PARP6: variants seen among roughly 807,000 people sequenced by gnomAD.
PARP6 encodes protein mono-ADP-ribosyltransferase PARP6.
A neutral mutation model predicts 92.0 loss-of-function variants in PARP6; 27 were observed. That is an observed-to-expected ratio of 0.29 (90% CI 0.22 to 0.40). The LOEUF (loss-of-function observed/expected upper bound fraction) is 0.40. Among genes scored for constraint, PARP6 ranks in the 10% least tolerant of loss-of-function variants. The pLI, the probability that PARP6 is intolerant of heterozygous loss-of-function variation, is 1.00. For synonymous variants in PARP6, 272 were observed against 281.2 expected, an observed-to-expected ratio of 0.97 and a Z score of 0.33; for missense variants, 501 against 784.5, an observed-to-expected ratio of 0.64 and a Z score of 4.32.
At chr15:72,253,287 T>A in intron 16 of PARP6, 150 bp downstream of exon 16, 1 of 467,146 alleles carries the variant, frequency 2.1e-6, no homozygotes, top group African/African-American at 2.0e-5. Context: ...CAAGGCAAGG[T>A]ATGCCAACAA....
intron 16 of PARP6, 135 bp from the exon 17 acceptor site, chr15:72,251,390 T>A (rs993429238): frequency 3.4e-6 from 2 of 581,686 alleles, no homozygotes; most frequent in Admixed American, 3.2e-5. Context: ...GTGTGAAATG[T>A]CAAGGTCACT....
At position 72,258,106 on chromosome 15, in the gene PARP6, A is replaced by G; in HGVS notation, c.837T>C (p.Ile279=). The G allele has an allele frequency of 6.2e-7, 1 of 1,613,600 alleles. No homozygotes were observed. Among genetic ancestry groups the G allele is most frequent in the Non-Finnish European group, 8.5e-7 (1 of 1,179,468 alleles). Residue 279 remains isoleucine (I), a synonymous_variant, in exon 12 of 24, where the codon ATT becomes ATC. Coordinates refer to ENST00000569795, the MANE Select transcript of PARP6 (RefSeq NM_001323532.2). ...VQIMKYAEQR[I]PTLNEYCVVC... is the part of the protein sequence containing the mutation. Reference sequence around the variant, plus strand: ...CCACACAGTACTCATTCAATGTTGGAATCCTCTGTTCTGCATACTTCATGA... The same window carrying G: ...CCACACAGTACTCATTCAATGTTGGGATCCTCTGTTCTGCATACTTCATGA...
chr15:72,250,061 G>A lies in PARP6; in HGVS notation c.1450C>T (p.Leu484=). 2 of 1,611,818 alleles carry A rather than the reference G, an allele frequency of 1.2e-6. No homozygotes were observed. Among genetic ancestry groups the A allele is most frequent in the African/African-American group, 1.3e-5 (1 of 74,966 alleles). ...GSHIENWHSI[L]RNGLVNASYT... is the part of the protein sequence containing the mutation. ...GATGCATTGACCAGCCCATTGCGCA[G>A]GATCGAATGCCAGTTCTCAATGTGG... Residue 484 remains leucine (L), a synonymous_variant, in exon 19 of 24, where the codon CTG becomes TTG. Transcript: ENST00000569795.
Position 72,241,359 on chromosome 15 carries a change from G to T in PARP6, c.*96C>A. ...TCCTGCCCCTTGGTAATGGCCCCTT[G>T]ATTCCTCAGGGCAGCCTCAGCTGCT... On this transcript the variant is annotated 3_prime_UTR_variant, in exon 24 of 24. Coordinates refer to ENST00000569795, the MANE Select transcript of PARP6 (RefSeq NM_001323532.2). This position sits in a 1 kb window ranked among gnomAD's most constrained non-coding sequence, Gnocchi z 4.1. 1 of 853,560 alleles carries T rather than the reference G, an allele frequency of 1.2e-6. No individual in the cohort carries two copies. The allele number at this position is 853,560 out of a possible 1,614,324, so 52.9% of individuals were successfully genotyped here.
chr15:72,267,037 A>G (rs2086693308), intron 3 of PARP6: 4 of 539,834 alleles, frequency 7.4e-6, no homozygotes, highest in Non-Finnish European at 9.9e-6. Context: ...TTAGTGGGAC[A>G]GAGGAAAACA....
intron 8 of PARP6, 26 bp downstream of exon 8, chr15:72,264,529 T>C (rs766127578): frequency 6.3e-7 from 1 of 1,576,166 alleles, no homozygotes; most frequent in South Asian, 1.1e-5. Context: ...CACATGTCCA[T>C]GACCAGAAAA....
At position 72,265,944 on chromosome 15, in the gene PARP6, G is replaced by A; in HGVS notation, c.129C>T (p.Asp43=). 1 of 1,613,980 alleles carries A rather than the reference G, an allele frequency of 6.2e-7. No individual in the cohort carries two copies. The highest frequency in any genetic ancestry group is 8.5e-7 in the Non-Finnish European group (1 of 1,179,934). The change falls in exon 5 of 24, where the codon GAC becomes GAT. Residue 43 remains aspartate, a synonymous_variant. Transcript: ENST00000569795. ...DLYRHPQLDA[D]IEAVKEIYSE... ...TGTAGATCTCCTTCACGGCTTCAAT[G>A]TCTGCATCAAGCTGTGGGTGTCGAT...
At chr15:72,267,059 T>C (rs2086695859) in intron 3 of PARP6, 5 of 527,060 alleles carry the variant, frequency 9.5e-6, no homozygotes, top group Non-Finnish European at 1.7e-5. Context: ...CTAGGGAATT[T>C]TGGCCTTCTG....
intron 8 of PARP6, among the ~76,000 whole-genome samples, chr15:72,262,333 C>T (rs2086003135): frequency 6.6e-6 from 1 of 152,112 alleles, no homozygotes; most frequent in Non-Finnish European, 1.5e-5. Context: ...GTATCAGTTC[C>T]CTTAATTTTC....
intron 20 of PARP6, among the ~76,000 whole-genome samples, chr15:72,247,447 AG>A (rs1383160844): frequency 1.3e-5 from 2 of 152,198 alleles, no homozygotes; most frequent in African/African-American, 4.8e-5. Context: ...TTGGGATTAC[AG>A]GTGTGAGCCA....
At chr15:72,267,785 CTT>C (rs1054449788) in intron 2 of PARP6, 114 bp from the exon 3 acceptor site, 5 of 267,816 alleles carry the variant, frequency 1.9e-5, no homozygotes, top group African/African-American at 4.4e-5. Context: ...GAGTTTCGCT[CTT>C]GTCGCCCAGG....
intron 4 of PARP6, 59 bp downstream of exon 4, chr15:72,266,686 C>G (rs1390106481): frequency 8.0e-7 from 1 of 1,256,484 alleles, no homozygotes; most frequent in Non-Finnish European, 1.2e-6. Flanking sequence ...CTGATGTATC[C>G]AAAAAGCAGC....
intron 18 of PARP6, 116 bp downstream of exon 18, chr15:72,250,729 A>G (rs2084232206): frequency 3.1e-6 from 2 of 648,144 alleles, no homozygotes; most frequent in South Asian, 3.7e-5. Flanking sequence ...GCATTTAGTA[A>G]GTATCTGCTG....
intron 14 of PARP6, among the ~76,000 whole-genome samples, chr15:72,256,180 T>G (rs1052053186): frequency 9.2e-5 from 14 of 152,190 alleles, no homozygotes; most frequent in Non-Finnish European, 1.8e-4. Flanking sequence ...AAACGTTAAG[T>G]GACTTGCCTA....
rs1191174138 is a variant in PARP6, at chr15:72,241,236, A to AAGGG, written c.*215_*218dup. ...TTTATTTACAAACAGGGTGAAGTCA[A>AAGGG]AGGGAAAGTCAGGGGATGGAGTCAG... On this transcript the variant is annotated 3_prime_UTR_variant, in exon 24 of 24. Transcript: ENST00000569795. This position sits in a 1 kb window ranked among gnomAD's most constrained non-coding sequence, Gnocchi z 4.1. 2 of 671,312 alleles carry AAGGG rather than the reference A, an allele frequency of 3.0e-6. No homozygotes were observed. The highest frequency in any genetic ancestry group is 3.0e-5 in the South Asian group (2 of 66,444). The allele number at this position is 671,312 out of a possible 1,614,324, so 41.6% of individuals were successfully genotyped here.
At chr15:72,251,427 G>A (rs796089727) in intron 16 of PARP6, 172 bp from the exon 17 acceptor site, 23 of 496,052 alleles carry the variant, frequency 4.6e-5, no homozygotes, top group African/African-American at 4.4e-4. Context: ...GGGTGATAGT[G>A]CTTATGAATA....
intron 13 of PARP6, 27 bp from the exon 14 acceptor site, chr15:72,256,617 C>A: frequency 6.7e-7 from 1 of 1,490,352 alleles, no homozygotes; most frequent in Non-Finnish European, 8.9e-7. Flanking sequence ...AAAAACAGGG[C>A]AGAAGCTAAA....
intron 19 of PARP6, 23 bp from the exon 20 acceptor site, chr15:72,249,337 A>G (rs771102965): frequency 2.7e-6 from 4 of 1,478,162 alleles, no homozygotes; most frequent in Non-Finnish European, 3.8e-6. Context: ...CACCAGGATG[A>G]GTAATATGAG....
Position 72,242,556 on chromosome 15 carries a change from T to A in PARP6, c.1641+64A>T. On this transcript the variant is annotated intron_variant, in intron 21 of 23. Transcript: ENST00000569795. The surrounding 1 kb of genome is among the most constrained non-coding windows in gnomAD (Gnocchi z 4.3). Reference sequence around the variant, plus strand: ...CCATTCTCACCCCACTGTTTCCCTGTCCAGCTCTGGAGCCTAAATTAGCCC... The same window carrying A: ...CCATTCTCACCCCACTGTTTCCCTGACCAGCTCTGGAGCCTAAATTAGCCC... The A allele has an allele frequency of 9.1e-7, 1 of 1,096,860 alleles. No homozygotes were observed. Among genetic ancestry groups the A allele is most frequent in the East Asian group, 2.4e-5 (1 of 42,548 alleles). The allele number at this position is 1,096,860 out of a possible 1,614,324, so 67.9% of individuals were successfully genotyped here. A position where few individuals can be genotyped will look rare whatever the true frequency, so the allele number is the denominator to read the frequency against.
Sources: allele counts gnomAD v4.1 joint callset (sites outside exome capture counted in the v4.1 genomes callset), GRCh38; gene constraint gnomAD v4.1.1; non-coding constraint Gnocchi (gnomAD v3.1); transcripts MANE v1.5; gene names NCBI Gene and HGNC (gene_info 2026-07-23, HGNC 2026-07-21).